Variants in ADAMTS16 observed in about 807,000 individuals in gnomAD.
ADAMTS16 encodes A disintegrin and metalloproteinase with thrombospondin motifs 16.
In ADAMTS16, 94 loss-of-function variants were observed where a neutral mutation model predicts 145.8. The ratio of observed to expected loss-of-function variants is 0.64; its 90% confidence interval spans 0.55 to 0.77. The LOEUF (loss-of-function observed/expected upper bound fraction) is 0.77. ADAMTS16 is among the 30% of genes least tolerant of loss of function. The pLI, the probability that ADAMTS16 is intolerant of heterozygous loss-of-function variation, is 0.00. For missense variants in ADAMTS16, 1,585 were observed against 1,591.5 expected, an observed-to-expected ratio of 1.00 and a Z score of 0.07; for synonymous variants, 659 against 604.3, an observed-to-expected ratio of 1.09 and a Z score of -1.33.
At chr5:5,282,054 A>T (rs11738975) in intron 18 of ADAMTS16, among the ~76,000 whole-genome samples, 153 of 151,958 alleles carry the variant, frequency 1.0e-3, no homozygotes, top group Middle Eastern at 6.8e-3. Flanking sequence ...TCACCCGTTG[A>T]GCCTTTGTTG....
chr5:5,235,817 C>T lies in ADAMTS16; in HGVS notation c.2023+631C>T, dbSNP rs545851567. ...TCATCTCATTGCTTGAAACTGGGAA[C>T]ATTGCCCGAAAAAATGACAGAAGCC... On this transcript the variant is annotated intron_variant, in intron 13 of 22. Coordinates refer to ENST00000274181, the MANE Select transcript of ADAMTS16 (RefSeq NM_139056.4). 2.7e-5 allele frequency among the ~76,000 whole-genome samples: 4 copies of T among 146,818 alleles called. No homozygotes were observed. The East Asian group carries it at 7.8e-4, about 29-fold the overall frequency.
chr5:5,140,416 G>C lies in ADAMTS16; in HGVS notation c.-52G>C. The C allele has an allele frequency of 6.8e-7, 1 of 1,479,466 alleles. No homozygotes were observed. Among genetic ancestry groups the C allele is most frequent in the Non-Finnish European group, 8.9e-7 (1 of 1,121,854 alleles). 91.6% of individuals were successfully genotyped at this position (1,479,466 alleles called of 1,614,324 possible). On this transcript the variant is annotated 5_prime_UTR_variant, in exon 1 of 23. Transcript: ENST00000274181. ...TCGGGTCCTCCCTGCCCGCTCGCAC[G>C]CTGCCGGCCGGGGACCCTCCGGTGG...
rs779244628 is a variant in ADAMTS16, at chr5:5,182,231, A to T, written c.689A>T (p.His230Leu). The change falls in exon 4 of 23, where the codon CAT (histidine) becomes CTT (leucine). Residue 230 changes from histidine (H) to leucine (L), a missense_variant. His to Leu is a moderately conservative substitution (Grantham distance 99). Around this residue, in one of 3 missense-constraint regions of ADAMTS16, gnomAD observed 453 missense variants for 412.1 expected, o/e 1.10. Coordinates refer to ENST00000274181, the MANE Select transcript of ADAMTS16 (RefSeq NM_139056.4). ...LVTSRTWELA[H>L]QPLHSSDLRL... is the part of the protein sequence containing the mutation. ...ACCTCAAGGACATGGGAGCTGGCACATCAACCCCTGCACAGCAGCGACCTT... is the reference window on the plus strand; with the variant it reads ...ACCTCAAGGACATGGGAGCTGGCACTTCAACCCCTGCACAGCAGCGACCTT... 8 of 1,614,072 alleles carry T rather than the reference A, an allele frequency of 5.0e-6. No homozygotes were observed. The South Asian group carries it at 8.8e-5, about 18-fold the overall frequency.
intron 18 of ADAMTS16, among the ~76,000 whole-genome samples, chr5:5,280,394 C>A (rs1738857630): frequency 6.6e-6 from 1 of 152,180 alleles, no homozygotes; most frequent in Non-Finnish European, 1.5e-5. Flanking sequence ...CTAATTATTA[C>A]AATGAACATC....
chr5:5,259,289 C>T (rs551286016), intron 17 of ADAMTS16, among the ~76,000 whole-genome samples: 6 of 152,332 alleles, frequency 3.9e-5, no homozygotes, highest in Admixed American at 1.3e-4. Flanking sequence ...ACTGATGGGG[C>T]AGGATCCTGT....
At chr5:5,241,345 T>C (rs1486378922) in intron 16 of ADAMTS16, among the ~76,000 whole-genome samples, 1 of 152,232 alleles carries the variant, frequency 6.6e-6, no homozygotes, top group Non-Finnish European at 1.5e-5. Flanking sequence ...CTAGGAAATG[T>C]AGAGTCCAAA....
chr5:5,311,738 G>T (rs28693521), intron 21 of ADAMTS16, among the ~76,000 whole-genome samples: 29,975 of 147,204 alleles, frequency 0.2, 3,252 homozygotes, highest in Middle Eastern at 0.26. Flanking sequence ...TTTTTTGGTT[G>T]TTTTTTTTTT....
intron 18 of ADAMTS16, among the ~76,000 whole-genome samples, chr5:5,284,832 T>A (rs1046041818): frequency 7.2e-5 from 11 of 152,246 alleles, no homozygotes; most frequent in African/African-American, 2.7e-4. Context: ...GTAGGTTCCA[T>A]GTGAGGTTTC....
At chr5:5,244,316 G>C (rs954183768) in intron 17 of ADAMTS16, among the ~76,000 whole-genome samples, 4 of 152,142 alleles carry the variant, frequency 2.6e-5, no homozygotes, top group Admixed American at 6.5e-5. Context: ...AGTATCCCCA[G>C]AATTACTTTC....
At chr5:5,234,437 C>T (rs1189880144) in intron 12 of ADAMTS16, among the ~76,000 whole-genome samples, 1 of 152,192 alleles carries the variant, frequency 6.6e-6, no homozygotes, top group African/African-American at 2.4e-5. Flanking sequence ...CACCCTGCCT[C>T]ACCACTGCAG....
At chr5:5,188,703 G>A (rs137883451) in intron 6 of ADAMTS16, among the ~76,000 whole-genome samples, 92 of 152,220 alleles carry the variant, frequency 6.0e-4, no homozygotes, top group African/African-American at 2.1e-3. Flanking sequence ...AGATGCCTTC[G>A]ATGTTAAAGT....
intron 3 of ADAMTS16, among the ~76,000 whole-genome samples, chr5:5,171,662 T>C (rs963483125): frequency 6.6e-6 from 1 of 152,194 alleles, no homozygotes; most frequent in African/African-American, 2.4e-5. Context: ...TCTTGTTGAA[T>C]TTGGTTTGCT....
intron 17 of ADAMTS16, among the ~76,000 whole-genome samples, chr5:5,250,062 G>A (rs2964418): frequency 0.13 from 20,538 of 152,206 alleles, 1,433 homozygotes; most frequent in South Asian, 0.17. Context: ...GTGTATGTGT[G>A]TGTCCACTGA....
At chr5:5,181,352 A>C (rs1735332584) in intron 3 of ADAMTS16, among the ~76,000 whole-genome samples, 1 of 152,118 alleles carries the variant, frequency 6.6e-6, no homozygotes, top group Non-Finnish European at 1.5e-5. Flanking sequence ...TCTTAAAAAT[A>C]TTTGTCACCC....
chr5:5,304,473 G>A (rs1023270575), intron 20 of ADAMTS16, among the ~76,000 whole-genome samples: 2 of 152,128 alleles, frequency 1.3e-5, no homozygotes, highest in Non-Finnish European at 2.9e-5. Context: ...GCATGAACCT[G>A]TCTGAACGGG....
In ADAMTS16 at chr5:5,235,132, A is replaced by G. The variant is rs1327298058; in HGVS notation, c.1969A>G (p.Ser657Gly). The change falls in exon 13 of 23, where the codon AGC becomes GGC. Residue 657 changes from serine to glycine, a missense_variant. Transcript: ENST00000274181. The stretch of plus-strand genomic sequence containing the variant: ...TGCTGCTCAGTGTGCCGAGCACAAC[A>G]GCAGACGATTCAGAGGGCGGCACTA... ...FRAAQCAEHN[S>G]RRFRGRHYKW... The G allele has an allele frequency of 6.3e-7, 1 of 1,597,388 alleles. No homozygotes were observed. Among genetic ancestry groups the G allele is most frequent in the East Asian group, 2.3e-5 (1 of 44,332 alleles).
chr5:5,282,633 C>A (rs1738964521), intron 18 of ADAMTS16, among the ~76,000 whole-genome samples: 2 of 152,216 alleles, frequency 1.3e-5, no homozygotes, highest in Non-Finnish European at 2.9e-5. Flanking sequence ...CCTCTCAACA[C>A]TTGTCTTTCT....
In ADAMTS16 at chr5:5,146,126, T is replaced by C. The variant is rs1247565552; in HGVS notation, c.176-4T>C. On this transcript the variant is annotated splice_polypyrimidine_tract_variant and splice_region_variant and intron_variant, in intron 2 of 22. Coordinates refer to ENST00000274181, the MANE Select transcript of ADAMTS16 (RefSeq NM_139056.4). ...TCAGCCTCTGCTCACTCTTTTGATT[T>C]CAGAATATGACCTGGTCTCTGCCTA... is the stretch of plus-strand genomic sequence containing the variant. The C allele has an allele frequency of 3.7e-6, 6 of 1,608,928 alleles. No homozygotes were observed. The African/African-American group carries it at 4.0e-5, about 11-fold the overall frequency.
intron 12 of ADAMTS16, among the ~76,000 whole-genome samples, chr5:5,234,163 C>T (rs962191170): frequency 1.3e-4 from 20 of 152,240 alleles, no homozygotes; most frequent in African/African-American, 3.4e-4. Flanking sequence ...GTACCCCTTG[C>T]GCTGCCCGCA....
Sources: gnomAD v4.1 joint callset for allele counts (sites outside exome capture counted in the v4.1 genomes callset) on GRCh38, gnomAD v4.1.1 for gene constraint, gnomAD v4.1.1 regional missense constraint, MANE v1.5 for transcripts, NCBI Gene and HGNC (gene_info 2026-07-23, HGNC 2026-07-21) for gene names.